Variants in THSD7B observed in about 807,000 individuals in gnomAD.
THSD7B encodes the protein thrombospondin type 1 domain containing 7B.
THSD7B carries 138 observed loss-of-function variants against 213.6 expected under a neutral mutation model. The ratio of observed to expected loss-of-function variants is 0.65; its 90% CI spans 0.56 to 0.74. The LOEUF is 0.74. Among genes scored for constraint, THSD7B ranks in the 30% least tolerant of loss-of-function variants. The pLI is 0.00. For synonymous variants in THSD7B, 742 were observed against 687.0 expected, an observed-to-expected ratio of 1.08 and a Z score of -1.25; for missense variants, 1,931 against 1,991.5, an observed-to-expected ratio of 0.97 and a Z score of 0.58.
chr2:137,244,119 A>G (rs1681971826), intron 10 of THSD7B, among the ~76,000 whole-genome samples: 1 of 152,204 alleles, frequency 6.6e-6, no homozygotes, highest in Non-Finnish European at 1.5e-5. Context: ...ACTCTGAGCC[A>G]TTTGAAAGGC....
intron 15 of THSD7B, among the ~76,000 whole-genome samples, chr2:137,482,423 A>G (rs1167546015): frequency 1.3e-5 from 2 of 152,210 alleles, no homozygotes; most frequent in Admixed American, 6.5e-5. Context: ...TAAAACTTCT[A>G]ATATACTTAT....
chr2:137,275,985 C>T lies in THSD7B; in HGVS notation c.2459C>T (p.Thr820Met), dbSNP rs568467115. The change falls in exon 12 of 28, where the codon ACG becomes ATG. Residue 820 changes from threonine to methionine, a missense_variant. Coordinates refer to ENST00000409968, the MANE Select transcript of THSD7B (RefSeq NM_001316349.2). Reference sequence around the variant, plus strand: ...CCAGAGTCTGTCTGGCAGGGAATAACGGGCAGCAGTGAAGCCTGTGGAAAG... The same window carrying T: ...CCAGAGTCTGTCTGGCAGGGAATAATGGGCAGCAGTGAAGCCTGTGGAAAG... ...LVPESVWQGI[T>M]GSSEACGKGL... The T allele has an allele frequency of 5.8e-5, 93 of 1,612,078 alleles. No homozygotes were observed. The highest frequency in any genetic ancestry group is 7.0e-5 in the Non-Finnish European group (82 of 1,178,846).
intron 12 of THSD7B, among the ~76,000 whole-genome samples, chr2:137,313,680 G>A (rs1456793922): frequency 6.6e-6 from 1 of 151,834 alleles, no homozygotes. Context: ...CTTCCTTCAG[G>A]AGCTCTTTTA....
chr2:137,147,357 C>T (rs1679722736), intron 5 of THSD7B, among the ~76,000 whole-genome samples: 1 of 152,056 alleles, frequency 6.6e-6, no homozygotes, highest in Non-Finnish European at 1.5e-5. Flanking sequence ...TCCCATGAGC[C>T]TTCCTTTGAA....
intron 12 of THSD7B, among the ~76,000 whole-genome samples, chr2:137,326,179 T>C (rs562687406): frequency 6.6e-6 from 1 of 152,282 alleles, no homozygotes; most frequent in African/African-American, 2.4e-5. Context: ...GTGAGGGACA[T>C]AGCTTCTATC....
chr2:137,412,948 G>A (rs1478830790), intron 14 of THSD7B, among the ~76,000 whole-genome samples: 1 of 150,980 alleles, frequency 6.6e-6, no homozygotes, highest in Admixed American at 6.6e-5. Flanking sequence ...GAAACAAATG[G>A]GTAGATTTTG....
chr2:136,983,078 T>TAAA (rs35691845), intron 2 of THSD7B, among the ~76,000 whole-genome samples: 1 of 146,254 alleles, frequency 6.8e-6, no homozygotes. Flanking sequence ...AGTTTAAAAT[T>TAAA]AAAAAAAAAA....
chr2:137,668,865 C>T (rs986043505), intron 27 of THSD7B, among the ~76,000 whole-genome samples: 5 of 152,132 alleles, frequency 3.3e-5, no homozygotes, highest in Non-Finnish European at 7.3e-5. Context: ...TGAAGGTCTT[C>T]ATCCTCACCA....
At chr2:136,774,578 A>G (rs1681567204) in intron 1 of THSD7B, among the ~76,000 whole-genome samples, 1 of 152,154 alleles carries the variant, frequency 6.6e-6, no homozygotes, top group Admixed American at 6.6e-5. Flanking sequence ...AATGTGAAAC[A>G]TTTTAATAAT....
At chr2:137,399,129 G>A (rs1012140427) in intron 12 of THSD7B, among the ~76,000 whole-genome samples, 15 of 151,612 alleles carry the variant, frequency 9.9e-5, no homozygotes, top group Admixed American at 2.6e-4. Context: ...TGTCTTCTGC[G>A]TCACTCTCGC....
intron 10 of THSD7B, among the ~76,000 whole-genome samples, chr2:137,264,191 GCTGC>G (rs1437582324): frequency 6.6e-6 from 1 of 151,892 alleles, no homozygotes; most frequent in Non-Finnish European, 1.5e-5. Flanking sequence ...ATAAACTTAG[GCTGC>G]CTAATATTGT....
At position 137,517,964 on chromosome 2, in the gene THSD7B, C is replaced by T. The variant is rs1900844; in HGVS notation, c.3139-45257C>T. ...CCTGAACTGCCTATCATGAACTGGG[C>T]GCTTTCTGACCCATCTAGCCATAAA... On this transcript the variant is annotated intron_variant, in intron 15 of 27. Coordinates refer to ENST00000409968, the MANE Select transcript of THSD7B (RefSeq NM_001316349.2). Among the ~76,000 whole-genome samples, 36 of 152,082 alleles carry T rather than the reference C, an allele frequency of 2.4e-4. No homozygotes were observed. In the East Asian group the frequency reaches 5.6e-3, roughly 24 times the overall value.
intron 14 of THSD7B, among the ~76,000 whole-genome samples, chr2:137,412,647 A>G (rs910349112): frequency 6.7e-6 from 1 of 150,356 alleles, no homozygotes; most frequent in Admixed American, 6.6e-5. Flanking sequence ...TATATAAAGT[A>G]TAAGTATACC....
At chr2:137,480,766 T>C (rs1039328922) in intron 15 of THSD7B, among the ~76,000 whole-genome samples, 1 of 152,258 alleles carries the variant, frequency 6.6e-6, no homozygotes, top group Admixed American at 6.5e-5. Context: ...ACCCATGCAA[T>C]GGGCTACTGG....
intron 7 of THSD7B, among the ~76,000 whole-genome samples, chr2:137,197,711 T>C (rs531750798): frequency 6.6e-6 from 1 of 152,308 alleles, no homozygotes; most frequent in South Asian, 2.1e-4. Context: ...TTGGGTTCTG[T>C]GTGTTTAGGA....
chr2:137,438,389 T>C (rs909862148), intron 14 of THSD7B, among the ~76,000 whole-genome samples: 1 of 152,156 alleles, frequency 6.6e-6, no homozygotes, highest in African/African-American at 2.4e-5. Context: ...TCTTATGCAA[T>C]GGGTACTGTT....
rs148499739 is a variant in THSD7B at position 137,381,084 on chromosome 2, G to T, written c.2501-24529G>T. 3.2e-3 allele frequency among the ~76,000 whole-genome samples: 490 copies of T among 152,288 alleles called. 1 individual carries two copies. Among genetic ancestry groups the T allele is most frequent in the African/African-American group, 0.011 (468 of 41,570 alleles). ...TCCCCTCAGAACTCAGTTAGAACCT[G>T]ACAATTGGTGTCACAAACAGGATTT... On this transcript the variant is annotated intron_variant, in intron 12 of 27. Coordinates refer to ENST00000409968, the MANE Select transcript of THSD7B (RefSeq NM_001316349.2).
chr2:137,657,696 T>C (rs1683263796), intron 24 of THSD7B, among the ~76,000 whole-genome samples: 1 of 152,234 alleles, frequency 6.6e-6, no homozygotes, highest in Non-Finnish European at 1.5e-5. Flanking sequence ...TGATTATTAC[T>C]TAATATCTAA....
At chr2:136,983,313 C>T (rs930583935) in intron 2 of THSD7B, among the ~76,000 whole-genome samples, 3 of 76,220 alleles carry the variant, frequency 3.9e-5, no homozygotes, top group Admixed American at 3.3e-4. Flanking sequence ...CTAATGGTAG[C>T]TTGTTACATT....
Sources: allele counts gnomAD v4.1 joint callset (sites outside exome capture counted in the v4.1 genomes callset), GRCh38; gene constraint gnomAD v4.1.1; transcripts MANE v1.5; gene names NCBI Gene and HGNC (gene_info 2026-07-23, HGNC 2026-07-21).